The following ALDOA variants were observed in gnomAD, a reference collection of about 807,000 sequenced individuals.
ALDOA encodes the protein fructose-bisphosphate aldolase A.
A neutral mutation model predicts 43.9 loss-of-function variants in ALDOA; 26 were observed. The ratio of observed to expected loss-of-function variants is 0.59; its 90% CI spans 0.43 to 0.82. ALDOA has a LOEUF of 0.82. ALDOA is among the 40% of genes least tolerant of loss of function. ALDOA has a pLI of 0.00. For missense variants in ALDOA, 498 were observed against 549.5 expected, an observed-to-expected ratio of 0.91 and a Z score of 0.94; for synonymous variants, 258 against 222.6, an observed-to-expected ratio of 1.16 and a Z score of -1.42.
chr16:30,068,648 AGACAAGGGCGTGGTCCCCCTGGCAGG>A lies in ALDOA; in HGVS notation c.495_520del (p.Gly166TrpfsTer13). ...TGTTGTTACCCTGACCCCAACAGGT[AGACAAGGGCGTGGTCCCCCTGGCAGG>A]GACAAATGGCGAGACTACCACCCAA... On this transcript the variant is annotated frameshift_variant, in exon 5 of 10. Transcript: ENST00000642816. LOFTEE classifies it high-confidence loss of function. The A allele has an allele frequency of 6.2e-7, 1 of 1,614,186 alleles. No homozygotes were observed. Among genetic ancestry groups the A allele is most frequent in the Non-Finnish European group, 8.5e-7 (1 of 1,180,032 alleles).
At position 30,069,480 on chromosome 16, in the gene ALDOA, T is replaced by C. The variant is rs1335628995; in HGVS notation, c.787-19T>C. On this transcript the variant is annotated intron_variant, in intron 7 of 9. Coordinates refer to ENST00000642816, the MANE Select transcript of ALDOA (RefSeq NM_001243177.4). Reference sequence around the variant, plus strand: ...CTCTCCTCCACCCCACTACCCACCGTGCGCCTGCTCTGCTCCAGGTGCTGG... The same window carrying C: ...CTCTCCTCCACCCCACTACCCACCGCGCGCCTGCTCTGCTCCAGGTGCTGG... 5.6e-6 allele frequency: 9 copies of C among 1,613,972 alleles called. No homozygotes were observed. The highest frequency in any genetic ancestry group is 3.3e-5 in the Admixed American group (2 of 59,986).
intron 4 of ALDOA, chr16:30,067,878 A>G: frequency 1.6e-6 from 1 of 628,384 alleles, no homozygotes; most frequent in Non-Finnish European, 2.8e-6. Flanking sequence ...AGCTCAGGGA[A>G]GTGAAGTGTT....
chr16:30,064,818 A>ATGGGGT (rs1410001382), upstream of ALDOA: 7 of 142,058 alleles, frequency 4.9e-5, no homozygotes, highest in South Asian at 2.6e-4. Context: ...CGGGGTGGGG[A>ATGGGGT]TGGGGTTGGG....
chr16:30,067,022 A>C lies in ALDOA; in HGVS notation c.125A>C (p.Gln42Pro). 6.3e-7 allele frequency: 1 copy of C among 1,575,488 alleles called. No homozygotes were observed. Among genetic ancestry groups the C allele is most frequent in the South Asian group, 1.2e-5 (1 of 85,938 alleles). ...CCTCAGCTGGGCAACACCCAGCACC[A>C]GACAGAGTTAGGAAAGGTACAGGGG... ...LHPQLGNTQH[Q>P]TELGKELATT... The change falls in exon 2 of 10, where the codon CAG (glutamine) becomes CCG (proline). Residue 42 changes from glutamine to proline, a missense_variant. Physicochemically the swap from Gln to Pro is moderately conservative, Grantham distance 76. Transcript: ENST00000642816.
At position 30,067,341 on chromosome 16, in the gene ALDOA, C is replaced by T; in HGVS notation, c.249C>T (p.Gly83=). Residue 83 remains glycine, a synonymous_variant, in exon 3 of 10, where the codon GGC becomes GGT. Transcript: ENST00000642816. ...IAHRIVAPGK[G]ILAADESTGS... ...ACCGCATCGTGGCACCTGGCAAGGG[C>T]ATCCTGGCTGCAGATGAGTCCACTG... is the stretch of plus-strand genomic sequence containing the variant. The T allele has an allele frequency of 6.2e-7, 1 of 1,613,920 alleles. No homozygotes were observed. Among genetic ancestry groups the T allele is most frequent in the Non-Finnish European group, 8.5e-7 (1 of 1,180,038 alleles).
rs1281790823 is a variant in ALDOA, at chr16:30,068,692, C to T, written c.533C>T (p.Thr178Ile). The change falls in exon 5 of 10, where the codon ACC becomes ATC. Residue 178 changes from threonine (T) to isoleucine (I), a missense_variant. Coordinates refer to ENST00000642816, the MANE Select transcript of ALDOA (RefSeq NM_001243177.4). ...CTGGCAGGGACAAATGGCGAGACTA[C>T]CACCCAAGGTGAGAACTGTTTGATT... ...VPLAGTNGET[T>I]TQGLDGLSER... 6.2e-7 allele frequency: 1 copy of T among 1,614,110 alleles called. No homozygotes were observed. Among genetic ancestry groups the T allele is most frequent in the Admixed American group, 1.7e-5 (1 of 60,010 alleles).
Position 30,070,313 on chromosome 16 carries a change from GCT to G in ALDOA, c.*104_*105del. The G allele has an allele frequency of 8.8e-7, 1 of 1,142,378 alleles. No individual in the cohort carries two copies. The highest frequency in any genetic ancestry group is 1.8e-5 in the Admixed American group (1 of 55,260). 70.8% of individuals were successfully genotyped at this position (1,142,378 alleles called of 1,614,324 possible). ...CGGGGCTCCAGGCTGGCTTGCCCGCGCTCTTTCTTCCCTCGTGACAGTGGTGT... is the reference window on the plus strand; with the variant it reads ...CGGGGCTCCAGGCTGGCTTGCCCGCGCTTTCTTCCCTCGTGACAGTGGTGT... On this transcript the variant is annotated 3_prime_UTR_variant, in exon 10 of 10. Coordinates refer to ENST00000642816, the MANE Select transcript of ALDOA (RefSeq NM_001243177.4).
At position 30,068,965 on chromosome 16, in the gene ALDOA, G is replaced by A. The variant is rs11553121; in HGVS notation, c.689G>A (p.Ser230Asn). 1 of 1,614,250 alleles carries A rather than the reference G, an allele frequency of 6.2e-7. No individual in the cohort carries two copies. Among genetic ancestry groups the A allele is most frequent in the Non-Finnish European group, 8.5e-7 (1 of 1,180,048 alleles). ...GCCAATGTTCTGGCCCGTTATGCCAGTATCTGCCAGCAGGTGGGCCTGCAG... is the reference window on the plus strand; with the variant it reads ...GCCAATGTTCTGGCCCGTTATGCCAATATCTGCCAGCAGGTGGGCCTGCAG... The part of the protein sequence containing the change: ...ENANVLARYA[S>N]ICQQNGIVPI... Residue 230 changes from serine to asparagine, a missense_variant, in exon 6 of 10, where the codon AGT (serine) becomes AAT (asparagine). Coordinates refer to ENST00000642816, the MANE Select transcript of ALDOA (RefSeq NM_001243177.4).
chr16:30,064,609 G>C, upstream of ALDOA: 1 of 397,534 alleles, frequency 2.5e-6, no homozygotes. Context: ...AGGGGCTTCA[G>C]GTTTCCCTAA....
rs766939993 is a variant in ALDOA at position 30,069,801 on chromosome 16, G to GC, written c.962-25dup. 5 of 1,613,676 alleles carry GC rather than the reference G, an allele frequency of 3.1e-6. No individual in the cohort carries two copies. In the African/African-American group the frequency reaches 6.7e-5, roughly 22 times the overall value. ...CCAGCTTCCTGGGTCTCTGACCACA[G>GC]CCCCTCTCGCCTCACCCCTGCTCTA... On this transcript the variant is annotated intron_variant, in intron 8 of 9. Coordinates refer to ENST00000642816, the MANE Select transcript of ALDOA (RefSeq NM_001243177.4).
At chr16:30,069,468 C>T (rs760900489) in intron 7 of ALDOA, 31 bp from the exon 8 acceptor site, 2 of 1,614,096 alleles carry the variant, frequency 1.2e-6, no homozygotes, top group Non-Finnish European at 1.7e-6. Context: ...TCCTCCACCC[C>T]ACTACCCACC....
Position 30,069,292 on chromosome 16 carries a change from C to G in ALDOA, c.703-14C>G, listed in dbSNP as rs2072229528. 1.2e-6 allele frequency: 2 copies of G among 1,613,938 alleles called. No homozygotes were observed. Among genetic ancestry groups the G allele is most frequent in the South Asian group, 2.2e-5 (2 of 91,070 alleles). On this transcript the variant is annotated splice_polypyrimidine_tract_variant and intron_variant, in intron 6 of 9. Transcript: ENST00000642816. ...TTAGGAGGCCTCACAGTGACCCTGT[C>G]CCTCGCCCTGCAGAATGGCATTGTG...
chr16:30,066,799 G>A (rs772415515), intron 1 of ALDOA, 86 bp from the exon 2 acceptor site: 5 of 1,431,068 alleles, frequency 3.5e-6, no homozygotes, highest in Non-Finnish European at 3.8e-6. Flanking sequence ...TCCCATATCT[G>A]GGCCCTTTCC....
rs112110009 is a variant in ALDOA, at chr16:30,068,924, C to G, written c.648C>G (p.Leu216=). ...TTGGGGAACACACCCCCTCAGCCCT[C>G]GCCATCATGGAAAATGCCAATGTTC... ...LKIGEHTPSA[L]AIMENANVLA... The change falls in exon 6 of 10, where the codon CTC becomes CTG. Residue 216 remains leucine (L), a synonymous_variant. Transcript: ENST00000642816. 2.2e-4 allele frequency: 363 copies of G among 1,614,222 alleles called. 1 individual carries two copies. The African/African-American group carries it at 4.3e-3, about 19-fold the overall frequency.
At chr16:30,069,174 C>A in intron 6 of ALDOA, 132 bp from the exon 7 acceptor site, 1 of 1,347,112 alleles carries the variant, frequency 7.4e-7, no homozygotes, top group East Asian at 2.4e-5. Flanking sequence ...CTCTTGTCTC[C>A]TGTAATCTGA....
In ALDOA at chr16:30,069,892, A is replaced by C; in HGVS notation, c.1024A>C (p.Asn342His). 1 of 1,614,146 alleles carries C rather than the reference A, an allele frequency of 6.2e-7. No homozygotes were observed. Among genetic ancestry groups the C allele is most frequent in the Non-Finnish European group, 8.5e-7 (1 of 1,180,036 alleles). The change falls in exon 9 of 10, where the codon AAC (asparagine) becomes CAC (histidine). Residue 342 changes from asparagine to histidine, a missense_variant. Physicochemically the swap from Asn to His is moderately conservative, Grantham distance 68 (BLOSUM62 1). Coordinates refer to ENST00000642816, the MANE Select transcript of ALDOA (RefSeq NM_001243177.4). ...GGCGTCCATCAACCTCAATGCCATTAACAAGTGCCCCCTGCTGAAGCCCTG... is the reference window on the plus strand; with the variant it reads ...GGCGTCCATCAACCTCAATGCCATTCACAAGTGCCCCCTGCTGAAGCCCTG... Reference protein sequence around the residue: ...EEASINLNAINKCPLLKPWAL... With the variant: ...EEASINLNAIHKCPLLKPWAL...
In ALDOA at chr16:30,069,375, T is replaced by G; in HGVS notation, c.772T>G (p.Tyr258Asp). 6.2e-7 allele frequency: 1 copy of G among 1,614,100 alleles called. No homozygotes were observed. The highest frequency in any genetic ancestry group is 8.5e-7 in the Non-Finnish European group (1 of 1,180,014). ...DGDHDLKRCQ[Y>D]VTEKVLAAVY... ...GGACCATGACTTGAAGCGCTGCCAG[T>G]ATGTGACCGAGAAGGTAAATGGCTA... is the stretch of plus-strand genomic sequence containing the variant. The change falls in exon 7 of 10, where the codon TAT becomes GAT. Residue 258 changes from tyrosine (Y) to aspartate (D), a missense_variant. Tyr to Asp is a radical substitution (Grantham distance 160). Transcript: ENST00000642816.
Position 30,067,214 on chromosome 16 carries a change from CCT to C in ALDOA, c.142-17_142-16del, listed in dbSNP as rs772798937. ...GAAACCCTAGCTAACTAGTCCTTCCCCTCTGTTTCCTGTATCCAGGAACTTGC... is the reference window on the plus strand; with the variant it reads ...GAAACCCTAGCTAACTAGTCCTTCCCCTGTTTCCTGTATCCAGGAACTTGC... On this transcript the variant is annotated intron_variant, in intron 2 of 9. Coordinates refer to ENST00000642816, the MANE Select transcript of ALDOA (RefSeq NM_001243177.4). 3 of 1,612,152 alleles carry C rather than the reference CCT, an allele frequency of 1.9e-6. No homozygotes were observed. The South Asian group carries it at 3.3e-5, about 18-fold the overall frequency.
Position 30,069,371 on chromosome 16 carries a change from C to A in ALDOA, c.768C>A (p.Cys256Ter). 1 of 1,614,146 alleles carries A rather than the reference C, an allele frequency of 6.2e-7. No homozygotes were observed. Among genetic ancestry groups the A allele is most frequent in the Middle Eastern group, 1.6e-4 (1 of 6,062 alleles). The change falls in exon 7 of 10, where the codon TGC (cysteine) becomes TGA (stop). Residue 256 changes from cysteine (C) to a stop codon, truncating the protein, a stop_gained. Transcript: ENST00000642816. LOFTEE classifies it high-confidence loss of function. ...ATGGGGACCATGACTTGAAGCGCTG[C>A]CAGTATGTGACCGAGAAGGTAAATG... ...LPDGDHDLKR[C>*]QYVTEKVLAA...
Sources: gnomAD v4.1 joint callset for allele counts on GRCh38, gnomAD v4.1.1 for gene constraint, MANE v1.5 for transcripts, NCBI Gene and HGNC (gene_info 2026-07-23, HGNC 2026-07-21) for gene names.